The following PFKFB3 variants were observed in gnomAD, a reference collection of about 807,000 sequenced individuals.
PFKFB3 encodes 6-phosphofructo-2-kinase/fructose-2,6-biphosphatase 3, also known as 6-phosphofructo-2-kinase/fructose-2,6-bisphosphatase 3.
Under a neutral mutation model 68.0 loss-of-function variants are expected in PFKFB3, and 33 were observed. The observed-to-expected ratio is 0.49, with a 90% CI of 0.37 to 0.65. The LOEUF (loss-of-function observed/expected upper bound fraction) is 0.65. PFKFB3 is among the 30% of genes least tolerant of loss of function. PFKFB3 has a pLI of 0.00. For synonymous variants in PFKFB3, 315 were observed against 288.2 expected, an observed-to-expected ratio of 1.09 and a Z score of -0.94; for missense variants, 586 against 712.2, an observed-to-expected ratio of 0.82 and a Z score of 2.02.
intron 1 of PFKFB3, among the ~76,000 whole-genome samples, chr10:6,166,208 C>T (rs919029694): frequency 6.6e-6 from 1 of 152,060 alleles, no homozygotes; most frequent in Admixed American, 6.6e-5. Flanking sequence ...CCTCGAACAC[C>T]TGAGCTCAGG....
At chr10:6,249,493 A>T (rs1200905522) in intron 14 of PFKFB3, among the ~76,000 whole-genome samples, 1 of 152,256 alleles carries the variant, frequency 6.6e-6, no homozygotes, top group African/African-American at 2.4e-5. Flanking sequence ...ATATATACAA[A>T]ATGGGGTACT....
At chr10:6,199,558 C>G (rs1197646977), upstream of PFKFB3, among the ~76,000 whole-genome samples, 1 of 151,018 alleles carries the variant, frequency 6.6e-6, no homozygotes, top group Non-Finnish European at 1.5e-5. Context: ...AATCACAGCT[C>G]ACTGCAACCT....
At chr10:6,274,238 C>T in the PFKFB3 span, among the ~76,000 whole-genome samples, 67 of 152,128 alleles carry the variant, frequency 4.4e-4, 1 homozygote, top group African/African-American at 1.6e-3. Context: ...GTGTAAGTCC[C>T]TCCATCTGAA....
the PFKFB3 span, among the ~76,000 whole-genome samples, chr10:6,312,666 T>C: frequency 5.9e-5 from 9 of 152,370 alleles, no homozygotes; most frequent in East Asian, 1.7e-3. Context: ...GTTTTAATGA[T>C]ATGTTAAGGT....
At chr10:6,244,457 C>T (rs913530993) in intron 14 of PFKFB3, among the ~76,000 whole-genome samples, 2 of 152,110 alleles carry the variant, frequency 1.3e-5, no homozygotes, top group Admixed American at 6.5e-5. Context: ...AAACACTAAC[C>T]GTATTCCAAT....
At chr10:6,192,561 T>G (rs1843058743) in intron 1 of PFKFB3, among the ~76,000 whole-genome samples, 2 of 152,150 alleles carry the variant, frequency 1.3e-5, no homozygotes, top group African/African-American at 4.8e-5. Context: ...CACCCGGGCA[T>G]GCTTCCCATA....
intron 1 of PFKFB3, among the ~76,000 whole-genome samples, chr10:6,160,408 C>T (rs1358436518): frequency 6.6e-6 from 1 of 152,204 alleles, no homozygotes; most frequent in Non-Finnish European, 1.5e-5. Flanking sequence ...GAAGAGTTCC[C>T]TTTTGACCTG....
intron 1 of PFKFB3, among the ~76,000 whole-genome samples, chr10:6,204,973 G>T (rs1005302791): frequency 1.2e-4 from 18 of 152,164 alleles, no homozygotes; most frequent in Admixed American, 1.2e-3. Flanking sequence ...GAACTCCAGC[G>T]TGCACCAAGG....
chr10:6,202,914 C>T (rs1019183892), upstream of PFKFB3: 1 of 1,172,866 alleles, frequency 8.5e-7, no homozygotes, highest in Non-Finnish European at 1.1e-6. Flanking sequence ...TAAAAGCCGG[C>T]GGTGCGCGGG....
the PFKFB3 span, among the ~76,000 whole-genome samples, chr10:6,262,562 A>G: frequency 6.6e-6 from 1 of 152,172 alleles, no homozygotes; most frequent in Non-Finnish European, 1.5e-5. Context: ...TGCTTAAGAA[A>G]TCTTTCCCTG....
rs915791519 is a variant in PFKFB3 at position 6,204,201 on chromosome 10, A to G, written c.76+865A>G. Among the ~76,000 whole-genome samples the G allele has an allele frequency of 3.9e-5, 6 of 152,246 alleles. No homozygotes were observed. In the South Asian group the frequency reaches 1.2e-3, roughly 31 times the overall value. On this transcript the variant is annotated intron_variant, in intron 1 of 14. Coordinates refer to ENST00000379775, the MANE Select transcript of PFKFB3 (RefSeq NM_004566.4). ...CTCAGCTGCGGAGCGCCGCCGCGGA[A>G]AAGGGCGGGTGGGCAGCGCAGAGGG...
chr10:6,210,048 G>GGTGT (rs1294381155), intron 1 of PFKFB3, among the ~76,000 whole-genome samples: 1 of 122,846 alleles, frequency 8.1e-6, no homozygotes, highest in African/African-American at 2.5e-5. Flanking sequence ...CACCGTGCCC[G>GGTGT]GCCTAATACT....
the PFKFB3 span, among the ~76,000 whole-genome samples, chr10:6,266,838 G>T: frequency 1.4e-4 from 21 of 152,330 alleles, no homozygotes; most frequent in Middle Eastern, 3.4e-3. Flanking sequence ...CCAAACCTGG[G>T]GCCCCGCATG....
At chr10:6,273,420 G>A in the PFKFB3 span, among the ~76,000 whole-genome samples, 6 of 152,118 alleles carry the variant, frequency 3.9e-5, no homozygotes, top group Non-Finnish European at 5.9e-5. Flanking sequence ...CCGCCGCCAT[G>A]CAACCTACAA....
At chr10:6,277,357 A>T in the PFKFB3 span, among the ~76,000 whole-genome samples, 1 of 151,440 alleles carries the variant, frequency 6.6e-6, no homozygotes, top group Non-Finnish European at 1.5e-5. Context: ...AGTAGCTGGG[A>T]TTACAGGTGC....
intron 14 of PFKFB3, among the ~76,000 whole-genome samples, chr10:6,244,922 C>T (rs1270618610): frequency 6.6e-6 from 1 of 152,156 alleles, no homozygotes; most frequent in Admixed American, 6.5e-5. Context: ...AGCATACACT[C>T]ACCATAAAAT....
intron 14 of PFKFB3, chr10:6,231,477 C>A (rs960538934): frequency 7.1e-6 from 7 of 985,228 alleles, no homozygotes; most frequent in South Asian, 4.7e-5. Context: ...TCTCTCACCC[C>A]CCACGTGTCC....
chr10:6,317,802 T>A, the PFKFB3 span, among the ~76,000 whole-genome samples: 3 of 152,176 alleles, frequency 2.0e-5, no homozygotes, highest in Non-Finnish European at 4.4e-5. Flanking sequence ...GTGGAAAGGC[T>A]GAAGAAGCCA....
intron 1 of PFKFB3, among the ~76,000 whole-genome samples, chr10:6,150,734 A>G (rs1841548296): frequency 6.6e-6 from 1 of 152,090 alleles, no homozygotes; most frequent in South Asian, 2.1e-4. Context: ...GTGGTGGCTC[A>G]CGCCTGTAAT....
Sources: allele counts gnomAD v4.1 joint callset (sites outside exome capture counted in the v4.1 genomes callset), GRCh38; gene constraint gnomAD v4.1.1; transcripts MANE v1.5; gene names NCBI Gene and HGNC (gene_info 2026-07-23, HGNC 2026-07-21).